NHEJ1: variants seen among roughly 807,000 people sequenced by gnomAD.
NHEJ1 encodes non-homologous end joining factor 1, also known as non-homologous end-joining factor 1.
In NHEJ1, 22 loss-of-function variants were observed where a neutral mutation model predicts 39.4. That is an observed-to-expected ratio of 0.56 (90% CI 0.40 to 0.80). NHEJ1 has a LOEUF of 0.80. NHEJ1 is among the 30% of genes least tolerant of loss of function. The probability of loss-of-function intolerance (pLI) is 0.00; values close to 1 mark genes in which losing one functional copy is unlikely to be tolerated. For missense variants in NHEJ1, 329 were observed against 357.1 expected, an observed-to-expected ratio of 0.92 and a Z score of 0.63; for synonymous variants, 154 against 135.6, an observed-to-expected ratio of 1.14 and a Z score of -0.94.
intron 5 of NHEJ1, among the ~76,000 whole-genome samples, chr2:219,089,800 T>A (rs1344654568): frequency 6.6e-6 from 1 of 152,244 alleles, no homozygotes. Context: ...AAGTCTCTAT[T>A]CTCCCCATCT....
At chr2:219,118,958 TG>T (rs1296413721) in intron 5 of NHEJ1, among the ~76,000 whole-genome samples, 3 of 152,210 alleles carry the variant, frequency 2.0e-5, no homozygotes, top group Non-Finnish European at 4.4e-5. Flanking sequence ...CAGCAGATCC[TG>T]GGGGGACTTG....
At chr2:219,156,383 T>G (rs1377126397) in intron 3 of NHEJ1, among the ~76,000 whole-genome samples, 1 of 152,222 alleles carries the variant, frequency 6.6e-6, no homozygotes, top group Non-Finnish European at 1.5e-5. Context: ...AAAAATGATG[T>G]CCTCTTGTCT....
At chr2:219,151,829 A>G (rs868535731) in intron 3 of NHEJ1, among the ~76,000 whole-genome samples, 1 of 152,118 alleles carries the variant, frequency 6.6e-6, no homozygotes, top group Non-Finnish European at 1.5e-5. Flanking sequence ...TTAGCCGGAC[A>G]TGGTGGCACG....
At position 219,076,505 on chromosome 2, in the gene NHEJ1, G is replaced by A. The variant is rs114490958; in HGVS notation, c.826-50C>T. On this transcript the variant is annotated intron_variant, in intron 7 of 7. Transcript: ENST00000356853. ...GTAGGGGTTTTGAAATAGTTCCACT[G>A]AAATTAGGAAAGGAACTTTCTTCCT... is the stretch of plus-strand genomic sequence containing the variant. 5,023 of 1,460,644 alleles carry A rather than the reference G, an allele frequency of 3.4e-3. 166 individuals are homozygous for A. In the African/African-American group the frequency reaches 0.061, roughly 18 times the overall value. 90.5% of individuals were successfully genotyped at this position (1,460,644 alleles called of 1,614,324 possible). A position where few individuals can be genotyped will look rare whatever the true frequency, so the allele number is the denominator to read the frequency against.
intron 5 of NHEJ1, among the ~76,000 whole-genome samples, chr2:219,088,472 A>G (rs1949131675): frequency 6.6e-6 from 1 of 152,168 alleles, no homozygotes; most frequent in East Asian, 1.9e-4. Context: ...CAGCCTGGGC[A>G]ACAGAGTGAG....
intron 5 of NHEJ1, among the ~76,000 whole-genome samples, chr2:219,131,979 T>C (rs1949583114): frequency 6.6e-6 from 1 of 152,256 alleles, no homozygotes; most frequent in Non-Finnish European, 1.5e-5. Flanking sequence ...TCCTGGGCTC[T>C]GGTGCCAAAT....
At chr2:219,154,240 C>G (rs949968253) in intron 3 of NHEJ1, among the ~76,000 whole-genome samples, 2 of 151,720 alleles carry the variant, frequency 1.3e-5, no homozygotes, top group Non-Finnish European at 2.9e-5. Flanking sequence ...CTAAACAGTG[C>G]GTACAGCATG....
At chr2:219,119,255 A>G (rs1192737512) in intron 5 of NHEJ1, among the ~76,000 whole-genome samples, 1 of 152,252 alleles carries the variant, frequency 6.6e-6, no homozygotes. Context: ...CAAAAGACAG[A>G]AACAAATTCA....
chr2:219,097,334 C>T (rs778397619), intron 5 of NHEJ1, among the ~76,000 whole-genome samples: 8 of 152,130 alleles, frequency 5.3e-5, no homozygotes, highest in Non-Finnish European at 1.0e-4. Flanking sequence ...GATGGTGGCT[C>T]AGACCAAGGT....
chr2:219,083,968 C>T (rs1211052605), intron 5 of NHEJ1, among the ~76,000 whole-genome samples: 2 of 149,626 alleles, frequency 1.3e-5, no homozygotes, highest in African/African-American at 2.5e-5. Context: ...TCTCATAAGT[C>T]AAAAACGCAC....
At chr2:219,112,174 C>T (rs1949372039) in intron 5 of NHEJ1, among the ~76,000 whole-genome samples, 2 of 152,092 alleles carry the variant, frequency 1.3e-5, no homozygotes, top group Admixed American at 1.3e-4. Flanking sequence ...TGAACCCTGG[C>T]CCTTGGTCAA....
At chr2:219,087,561 T>C (rs1397059954) in intron 5 of NHEJ1, among the ~76,000 whole-genome samples, 1 of 152,154 alleles carries the variant, frequency 6.6e-6, no homozygotes, top group African/African-American at 2.4e-5. Context: ...CAAGTTCTCA[T>C]GGACTCCCTG....
chr2:219,141,686 A>C (rs1376532168), intron 5 of NHEJ1, among the ~76,000 whole-genome samples: 2 of 152,178 alleles, frequency 1.3e-5, no homozygotes, highest in African/African-American at 2.4e-5. Flanking sequence ...CCAAACATGC[A>C]GAAAGAAATA....
intron 5 of NHEJ1, among the ~76,000 whole-genome samples, chr2:219,126,130 C>A (rs769892073): frequency 2.0e-5 from 3 of 152,142 alleles, no homozygotes; most frequent in Admixed American, 6.5e-5. Context: ...TGCCATTTTT[C>A]TGTAATTTCA....
intron 5 of NHEJ1, among the ~76,000 whole-genome samples, chr2:219,110,727 A>G (rs1192386693): frequency 6.6e-6 from 1 of 152,112 alleles, no homozygotes; most frequent in Non-Finnish European, 1.5e-5. Flanking sequence ...AATCATGCAG[A>G]TATCTGGGAA....
intron 5 of NHEJ1, among the ~76,000 whole-genome samples, chr2:219,118,698 G>C (rs948736837): frequency 1.3e-5 from 2 of 152,208 alleles, no homozygotes; most frequent in Non-Finnish European, 2.9e-5. Context: ...GGGGCCACAG[G>C]GGATTCAGGC....
intron 5 of NHEJ1, among the ~76,000 whole-genome samples, chr2:219,128,755 C>T (rs1949548196): frequency 1.3e-5 from 2 of 152,164 alleles, no homozygotes; most frequent in African/African-American, 4.8e-5. Flanking sequence ...GGCCAATGAC[C>T]GGCCAGCCAG....
At chr2:219,080,143 A>G (rs181665777) in intron 5 of NHEJ1, among the ~76,000 whole-genome samples, 3 of 152,298 alleles carry the variant, frequency 2.0e-5, no homozygotes, top group South Asian at 4.1e-4. Context: ...CCCTTCTCAG[A>G]GAGATCTGGT....
intron 1 of NHEJ1, among the ~76,000 whole-genome samples, chr2:219,159,561 ATGCATATATATATGCATATATATATG>A (rs1949901187): frequency 1.3e-4 from 1 of 7,998 alleles, no homozygotes. Context: ...GCATATATAT[ATGCATATATATATGCATATATATATG>A]CATATATATA....
Sources: allele counts gnomAD v4.1 joint callset (sites outside exome capture counted in the v4.1 genomes callset), GRCh38; gene constraint gnomAD v4.1.1; transcripts MANE v1.5; gene names NCBI Gene and HGNC (gene_info 2026-07-23, HGNC 2026-07-21).